The following SAFB variants were observed in gnomAD, a reference collection of about 807,000 sequenced individuals.
The protein encoded by SAFB is scaffold attachment factor B.
In SAFB, 15 loss-of-function variants were observed where a neutral mutation model predicts 101.6. The ratio of observed to expected loss-of-function variants is 0.15; its 90% CI spans 0.10 to 0.23. SAFB has a LOEUF of 0.23. SAFB is among the 10% of genes least tolerant of loss of function. The pLI, the probability that SAFB is intolerant of heterozygous loss-of-function variation, is 1.00. For missense variants in SAFB, 930 were observed against 1,104.1 expected, an observed-to-expected ratio of 0.84 and a Z score of 2.23; for synonymous variants, 449 against 407.5, an observed-to-expected ratio of 1.10 and a Z score of -1.23.
At chr19:5,658,938 A>C (rs1420902045) in intron 14 of SAFB, among the ~76,000 whole-genome samples, 1 of 152,152 alleles carries the variant, frequency 6.6e-6, no homozygotes, top group Non-Finnish European at 1.5e-5. Context: ...CAAGGTCAGG[A>C]GTTCAAGACC....
At chr19:5,659,794 G>T (rs1032367536) in intron 14 of SAFB, among the ~76,000 whole-genome samples, 3 of 152,106 alleles carry the variant, frequency 2.0e-5, no homozygotes, top group African/African-American at 7.2e-5. Flanking sequence ...AGCCTGGGGG[G>T]CCCCCACAGG....
At chr19:5,651,185 CT>C in intron 9 of SAFB, 113 bp downstream of exon 9, 3 of 633,218 alleles carry the variant, frequency 4.7e-6, no homozygotes, top group Non-Finnish European at 5.5e-6. Context: ...GGAGCTTACA[CT>C]TGCTAATGGC....
Position 5,664,418 on chromosome 19 carries a change from G to A in SAFB, c.2313G>A (p.Met771Ile). Residue 771 changes from methionine (M) to isoleucine (I), a missense_variant, in exon 17 of 21, where the codon ATG (methionine) becomes ATA (isoleucine). By Grantham distance (10) the Met-to-Ile change is conservative (BLOSUM62 1). Coordinates refer to ENST00000588852, the MANE Select transcript of SAFB (RefSeq NM_001201338.2). Reference protein sequence around the residue: ...SVDRREGSRSMMGEREGQHYP... With the variant: ...SVDRREGSRSIMGEREGQHYP... ...TCAGGAGAGAAGGTTCAAGGTCAAT[G>A]ATGGGAGAACGAGAAGGACAGGTAA... 1 of 1,613,612 alleles carries A rather than the reference G, an allele frequency of 6.2e-7. No homozygotes were observed. Among genetic ancestry groups the A allele is most frequent in the East Asian group, 2.2e-5 (1 of 44,878 alleles).
rs1386251370 is a variant in SAFB, at chr19:5,641,763, G to A, written c.363G>A (p.Glu121=). 1.2e-6 allele frequency: 2 copies of A among 1,614,124 alleles called. No homozygotes were observed. ...DGQEDVETSL[E]NLQDIDIMDI... ...AGGAGGATGTTGAGACCAGTCTGGA[G>A]AACTTGCAGGACATCGACATCATGG... Residue 121 remains glutamate, a synonymous_variant, in exon 4 of 21, where the codon GAG becomes GAA. Transcript: ENST00000588852.
In SAFB at chr19:5,667,389, C is replaced by G; in HGVS notation, c.2496C>G (p.Asp832Glu). 2.0e-6 allele frequency: 3 copies of G among 1,511,556 alleles called. No homozygotes were observed. Among genetic ancestry groups the G allele is most frequent in the Non-Finnish European group, 2.6e-6 (3 of 1,135,686 alleles). The allele number at this position is 1,511,556 out of a possible 1,614,324, so 93.6% of individuals were successfully genotyped here. A position where few individuals can be genotyped will look rare whatever the true frequency, so the allele number is the denominator to read the frequency against. The change falls in exon 19 of 21, where the codon GAC becomes GAG. Residue 832 changes from aspartate to glutamate, a missense_variant. By Grantham distance (45) the Asp-to-Glu change is conservative. Transcript: ENST00000588852. This position sits in a 1 kb window ranked among gnomAD's most constrained non-coding sequence, Gnocchi z 4.0. Reference protein sequence around the residue: ...DWGDHGRREDDRSWQGTADGG... With the variant: ...DWGDHGRREDERSWQGTADGG... ...GGGACCATGGCCGAAGAGAGGATGA[C>G]CGGTCATGGCAGGGCACGGCCGACG...
At chr19:5,662,762 T>G (rs948587506) in intron 15 of SAFB, among the ~76,000 whole-genome samples, 7 of 149,508 alleles carry the variant, frequency 4.7e-5, no homozygotes, top group African/African-American at 1.5e-4. Flanking sequence ...TGCCTCAGCC[T>G]CCCTAGTATT....
At position 5,657,227 on chromosome 19, in the gene SAFB, CT is replaced by C. The variant is rs1444227750; in HGVS notation, c.1756-11del. ...GCCTCTGCTTTAACTTTTTAATGTT[CT>C]TTGGTGAACTAGGCTTCCAAAAGCC... On this transcript the variant is annotated splice_polypyrimidine_tract_variant and intron_variant, in intron 13 of 20. Coordinates refer to ENST00000588852, the MANE Select transcript of SAFB (RefSeq NM_001201338.2). 6.2e-7 allele frequency: 1 copy of C among 1,607,084 alleles called. No individual in the cohort carries two copies. Among genetic ancestry groups the C allele is most frequent in the East Asian group, 2.2e-5 (1 of 44,834 alleles).
intron 4 of SAFB, 126 bp from the exon 5 acceptor site, chr19:5,645,211 C>T: frequency 1.8e-6 from 1 of 552,776 alleles, no homozygotes; most frequent in Non-Finnish European, 3.2e-6. Flanking sequence ...GTTTTGATTT[C>T]TGCCCTGGGT....
intron 9 of SAFB, among the ~76,000 whole-genome samples, chr19:5,651,408 GCAGTGTTCTTAGAA>G (rs2053935679): frequency 6.6e-6 from 1 of 152,228 alleles, no homozygotes; most frequent in South Asian, 2.1e-4. Flanking sequence ...CTGGGAGACA[GCAGTGTTCTTAGAA>G]CAGTGTTCGT....
In SAFB at chr19:5,664,003, G is replaced by C. The variant is rs745545427; in HGVS notation, c.2154-19G>C. The C allele has an allele frequency of 3.7e-6, 6 of 1,612,416 alleles. No homozygotes were observed. Among genetic ancestry groups the C allele is most frequent in the African/African-American group, 2.7e-5 (2 of 75,018 alleles). ...TGGGGTGGGGGATCCCTCTATCTCT[G>C]TCTCATGTCCCCTCACAGGCGAGAT... On this transcript the variant is annotated intron_variant, in intron 15 of 20. Coordinates refer to ENST00000588852, the MANE Select transcript of SAFB (RefSeq NM_001201338.2).
chr19:5,664,042 C>T lies in SAFB; in HGVS notation c.2174C>T (p.Pro725Leu), dbSNP rs770217810. 1.6e-5 allele frequency: 26 copies of T among 1,613,842 alleles called. No individual in the cohort carries two copies. Among genetic ancestry groups the T allele is most frequent in the Middle Eastern group, 1.6e-4 (1 of 6,082 alleles). ...DLDRRDDAYWPEAKRAALDER... is the reference protein window; with the variant it reads ...DLDRRDDAYWLEAKRAALDER... ...CACAGGCGAGATGATGCCTATTGGC[C>T]GGAAGCCAAGCGGGCCGCCCTGGAT... Residue 725 changes from proline to leucine, a missense_variant, in exon 16 of 21, where the codon CCG becomes CTG. Physicochemically the swap from Pro to Leu is moderately conservative, Grantham distance 98 (BLOSUM62 -3). This residue lies in a region of SAFB where 318 missense variants were observed against 342.6 expected (regional missense o/e 0.93). Transcript: ENST00000588852.
In SAFB at chr19:5,667,995, T is replaced by G. The variant is rs1568285957; in HGVS notation, c.2624+109T>G. ...CAGCTAGTGCCCCTCCCCCCAAGGG[T>G]GACGTGAGGCCAGGCATGGGGTACT... On this transcript the variant is annotated intron_variant, in intron 20 of 20. Coordinates refer to ENST00000588852, the MANE Select transcript of SAFB (RefSeq NM_001201338.2). This position sits in a 1 kb window ranked among gnomAD's most constrained non-coding sequence, Gnocchi z 4.0. 3.5e-5 allele frequency: 50 copies of G among 1,422,020 alleles called. No homozygotes were observed. The highest frequency in any genetic ancestry group is 4.6e-5 in the Non-Finnish European group (48 of 1,047,982). 88.1% of individuals were successfully genotyped at this position (1,422,020 alleles called of 1,614,324 possible). A position where few individuals can be genotyped will look rare whatever the true frequency, so the allele number is the denominator to read the frequency against.
chr19:5,638,880 T>C (rs2053647251), intron 2 of SAFB, among the ~76,000 whole-genome samples: 1 of 151,792 alleles, frequency 6.6e-6, no homozygotes, highest in African/African-American at 2.4e-5. Flanking sequence ...CCACCACGCC[T>C]GGCTAATTTT....
At chr19:5,639,835 GTTTGT>G (rs1445371465) in intron 2 of SAFB, among the ~76,000 whole-genome samples, 2 of 151,944 alleles carry the variant, frequency 1.3e-5, no homozygotes, top group Non-Finnish European at 2.9e-5. Context: ...TGTTTTGTTT[GTTTGT>G]TTTGTTTTGT....
chr19:5,656,833 C>T (rs1218018029), intron 13 of SAFB, among the ~76,000 whole-genome samples: 3 of 152,126 alleles, frequency 2.0e-5, no homozygotes, highest in South Asian at 4.1e-4. Flanking sequence ...TCGAGTGGCT[C>T]GATCTTGGCT....
In SAFB at chr19:5,668,331, T is replaced by C. The variant is rs2054385467; in HGVS notation, c.*40T>C. The C allele has an allele frequency of 1.3e-6, 2 of 1,597,626 alleles. No individual in the cohort carries two copies. ...GTGTCCTGTCTCGTGGCAACAAGGC[T>C]ATGTTCTGTTAGGAGTTACCTTAAA... On this transcript the variant is annotated 3_prime_UTR_variant, in exon 21 of 21. Transcript: ENST00000588852.
chr19:5,657,010 A>G (rs2054078218), intron 13 of SAFB, among the ~76,000 whole-genome samples: 1 of 151,914 alleles, frequency 6.6e-6, no homozygotes, highest in Non-Finnish European at 1.5e-5. Flanking sequence ...TGACCTCGTG[A>G]TCTGTCCGTC....
chr19:5,660,342 C>CTTTTTTTTTTTTTTTTTTTTTTTTTTTTT (rs11360129), intron 14 of SAFB, among the ~76,000 whole-genome samples: 1 of 50,904 alleles, frequency 2.0e-5, no homozygotes, highest in African/African-American at 7.5e-5. Context: ...CTGCACACAC[C>CTTTTTTTTTTTTTTTTTTTTTTTTTTTTT]TTTTTTTTTT....
intron 15 of SAFB, 78 bp from the exon 16 acceptor site, chr19:5,663,944 A>G (rs2054271940): frequency 1.3e-6 from 2 of 1,484,352 alleles, no homozygotes; most frequent in Non-Finnish European, 1.8e-6. Flanking sequence ...GTGAAGTGCT[A>G]GGGGCCAGCT....
Sources: allele counts gnomAD v4.1 joint callset (sites outside exome capture counted in the v4.1 genomes callset), GRCh38; gene constraint gnomAD v4.1.1; regional missense constraint gnomAD v4.1.1; non-coding constraint Gnocchi (gnomAD v3.1); transcripts MANE v1.5; gene names NCBI Gene and HGNC (gene_info 2026-07-23, HGNC 2026-07-21).